FSHR: variants seen among roughly 807,000 people sequenced by gnomAD.
FSHR encodes the protein follicle stimulating hormone receptor, also known as follicle-stimulating hormone receptor.
In FSHR, 46 loss-of-function variants were observed where a neutral mutation model predicts 52.1. The observed-to-expected ratio is 0.88, with a 90% CI of 0.70 to 1.13. FSHR has a LOEUF of 1.13. Ranked by LOEUF, FSHR falls within the 50% of genes most tolerant of loss-of-function variation. FSHR has a pLI of 0.00. For synonymous variants in FSHR, 399 were observed against 309.6 expected, an observed-to-expected ratio of 1.29 and a Z score of -3.03; for missense variants, 964 against 834.6, an observed-to-expected ratio of 1.16 and a Z score of -1.91.
intron 2 of FSHR, among the ~76,000 whole-genome samples, chr2:49,050,051 A>T (rs779781203): frequency 1.3e-5 from 2 of 152,134 alleles, no homozygotes; most frequent in African/African-American, 2.4e-5. Flanking sequence ...ACAAGAAAAT[A>T]GCTTCTTGTG....
At position 49,013,491 on chromosome 2, in the gene FSHR, T is replaced by TATATGTATAAATATATATATATAAATAA. The variant is rs1558389455; in HGVS notation, c.374+3997_374+3998insTTATTTATATATATATATTTATACATAT. ...ATATATATATATATAAATAAATATA[T>TATATGTATAAATATATATATATAAATAA]ATATATATAAATATATATATATATA... On this transcript the variant is annotated intron_variant, in intron 4 of 9. Coordinates refer to ENST00000406846, the MANE Select transcript of FSHR (RefSeq NM_000145.4). 2.0e-3 allele frequency among the ~76,000 whole-genome samples: 145 copies of TATATGTATAAATATATATATATAAATAA among 74,098 alleles called. 1 individual carries two copies. The highest frequency in any genetic ancestry group is 4.6e-3 in the African/African-American group (131 of 28,722). 48.6% of individuals were successfully genotyped at this position (74,098 alleles called of 152,430 possible).
intron 1 of FSHR, among the ~76,000 whole-genome samples, chr2:49,134,853 G>A (rs1341394144): frequency 6.6e-6 from 1 of 152,104 alleles, no homozygotes; most frequent in African/African-American, 2.4e-5. Context: ...CTCATAGGTG[G>A]GAATTGAACA....
At chr2:49,033,733 A>G (rs889835241) in intron 2 of FSHR, among the ~76,000 whole-genome samples, 1 of 152,110 alleles carries the variant, frequency 6.6e-6, no homozygotes, top group Non-Finnish European at 1.5e-5. Context: ...AAGAAAAAAA[A>G]TCATTTACCC....
intron 1 of FSHR, among the ~76,000 whole-genome samples, chr2:49,078,572 TTG>T (rs1392384006): frequency 6.6e-5 from 10 of 151,798 alleles, no homozygotes; most frequent in Non-Finnish European, 1.5e-4. Flanking sequence ...AATTCAAGAG[TTG>T]CTAAATATTA....
intron 9 of FSHR, among the ~76,000 whole-genome samples, chr2:48,966,413 A>G (rs781059845): frequency 6.6e-5 from 10 of 152,214 alleles, no homozygotes; most frequent in Non-Finnish European, 1.3e-4. Context: ...GTAATGCAAA[A>G]TGAATACAGA....
At chr2:49,019,271 T>G (rs1385118145) in intron 3 of FSHR, among the ~76,000 whole-genome samples, 1 of 152,252 alleles carries the variant, frequency 6.6e-6, no homozygotes, top group Non-Finnish European at 1.5e-5. Context: ...TAATCTTATT[T>G]GACCATAAAT....
chr2:49,001,005 G>T (rs1315428440), intron 4 of FSHR, among the ~76,000 whole-genome samples: 1 of 152,098 alleles, frequency 6.6e-6, no homozygotes, highest in East Asian at 1.9e-4. Flanking sequence ...CCTGACAAAG[G>T]TATTTCATAT....
chr2:49,106,328 G>GGA (rs1010414108), intron 1 of FSHR, among the ~76,000 whole-genome samples: 10 of 152,072 alleles, frequency 6.6e-5, no homozygotes, highest in African/African-American at 2.2e-4. Context: ...GATGGAGGAA[G>GGA]GAGAGAGAGA....
At chr2:48,982,062 A>G (rs1238997750) in intron 8 of FSHR, among the ~76,000 whole-genome samples, 1 of 152,120 alleles carries the variant, frequency 6.6e-6, no homozygotes, top group Non-Finnish European at 1.5e-5. Flanking sequence ...TAAGTGTAGT[A>G]GGTCTTGCTT....
intron 4 of FSHR, among the ~76,000 whole-genome samples, chr2:49,015,197 C>T (rs1457021307): frequency 1.3e-5 from 2 of 152,058 alleles, no homozygotes; most frequent in Non-Finnish European, 2.9e-5. Flanking sequence ...ATTTGGATTC[C>T]AGTCCTTCTG....
chr2:49,091,550 G>A, intron 1 of FSHR, among the ~76,000 whole-genome samples: 1 of 151,778 alleles, frequency 6.6e-6, no homozygotes, highest in Non-Finnish European at 1.5e-5. Context: ...GCCCAACTTG[G>A]CCTCCCAAAG....
At chr2:49,057,275 C>T (rs1020416743) in intron 2 of FSHR, among the ~76,000 whole-genome samples, 3 of 151,668 alleles carry the variant, frequency 2.0e-5, no homozygotes, top group African/African-American at 7.3e-5. Context: ...ATTAGCTAGA[C>T]TAAGAAAAAA....
At chr2:49,018,747 TA>T (rs1667587539) in intron 3 of FSHR, among the ~76,000 whole-genome samples, 1 of 151,754 alleles carries the variant, frequency 6.6e-6, no homozygotes, top group Non-Finnish European at 1.5e-5. Flanking sequence ...AAAATGAAGG[TA>T]GGAGGCAGAG....
Position 48,982,930 on chromosome 2 carries a change from G to T in FSHR, c.650C>A (p.Ala217Asp), listed in dbSNP as rs757886852. Reference sequence around the variant, plus strand: ...TACTCACAGAATGACTGGTCCAGAGGCTCCGTGGAAAACATCATTAGGCAA... The same window carrying T: ...TACTCACAGAATGACTGGTCCAGAGTCTCCGTGGAAAACATCATTAGGCAA... Reference protein sequence around the residue: ...EELPNDVFHGASGPVILDISR... With the variant: ...EELPNDVFHGDSGPVILDISR... Residue 217 changes from alanine to aspartate, a missense_variant, in exon 8 of 10, where the codon GCC becomes GAC. Transcript: ENST00000406846. The T allele has an allele frequency of 6.2e-7, 1 of 1,613,632 alleles. No individual in the cohort carries two copies. Among genetic ancestry groups the T allele is most frequent in the Non-Finnish European group, 8.5e-7 (1 of 1,179,670 alleles).
intron 2 of FSHR, among the ~76,000 whole-genome samples, chr2:49,026,462 C>T (rs886688847): frequency 6.6e-6 from 1 of 152,132 alleles, no homozygotes; most frequent in Non-Finnish European, 1.5e-5. Context: ...CCATCCTTAG[C>T]CCCTTTTACA....
At chr2:49,102,986 T>G (rs1339447782) in intron 1 of FSHR, among the ~76,000 whole-genome samples, 1 of 152,118 alleles carries the variant, frequency 6.6e-6, no homozygotes, top group Non-Finnish European at 1.5e-5. Flanking sequence ...TAAGGCACTT[T>G]TTAGATAGAC....
At chr2:49,071,542 G>C (rs1188240951) in intron 1 of FSHR, among the ~76,000 whole-genome samples, 1 of 152,116 alleles carries the variant, frequency 6.6e-6, no homozygotes, top group African/African-American at 2.4e-5. Context: ...TAATCCAGGA[G>C]GAAGGCACAA....
chr2:48,992,699 A>G (rs1229841464), intron 4 of FSHR, among the ~76,000 whole-genome samples: 2 of 151,698 alleles, frequency 1.3e-5, no homozygotes, highest in Non-Finnish European at 2.9e-5. Context: ...CTCTGTCTCT[A>G]TCAGTGGAAT....
At chr2:49,029,305 T>C (rs1486656817) in intron 2 of FSHR, among the ~76,000 whole-genome samples, 1 of 152,210 alleles carries the variant, frequency 6.6e-6, no homozygotes, top group Non-Finnish European at 1.5e-5. Context: ...TATTCCCTTT[T>C]TCAACTGTTT....
Sources: allele counts gnomAD v4.1 joint callset (sites outside exome capture counted in the v4.1 genomes callset), GRCh38; gene constraint gnomAD v4.1.1; transcripts MANE v1.5; gene names NCBI Gene and HGNC (gene_info 2026-07-23, HGNC 2026-07-21).